Variants in IQSEC1 observed in about 807,000 individuals in gnomAD.
IQSEC1 encodes IQ motif and Sec7 domain ArfGEF 1, also known as IQ motif and SEC7 domain-containing protein 1.
IQSEC1 carries 31 observed loss-of-function variants against 91.0 expected under a neutral mutation model. The observed-to-expected ratio is 0.34, with a 90% CI of 0.26 to 0.46. The LOEUF is 0.46. IQSEC1 is among the 20% of genes least tolerant of loss of function. IQSEC1 has a pLI of 1.00. For missense variants in IQSEC1, 1,388 were observed against 1,575.6 expected (o/e 0.88, Z 2.02); for synonymous variants, 699 against 662.6 (o/e 1.05, Z -0.84).
rs547744066 is a variant in IQSEC1 at position 12,927,802 on chromosome 3, G to A, written c.1569-3060C>T. 1.6e-4 allele frequency among the ~76,000 whole-genome samples: 24 copies of A among 152,378 alleles called. No individual in the cohort carries two copies. In the East Asian group the frequency reaches 4.6e-3, roughly 29 times the overall value. On this transcript the variant is annotated intron_variant, in intron 3 of 13. Coordinates refer to ENST00000613206, the MANE Select transcript of IQSEC1 (RefSeq NM_001134382.3). ...CTGAGAGGCCTAGTCTGTGCAGGGGGCAAGGGACAGAGACTGAGGTATCAG... is the reference window on the plus strand; with the variant it reads ...CTGAGAGGCCTAGTCTGTGCAGGGGACAAGGGACAGAGACTGAGGTATCAG...
intron 8 of IQSEC1, among the ~76,000 whole-genome samples, chr3:12,913,990 AG>A (rs1254043788): frequency 3.3e-5 from 5 of 152,218 alleles, no homozygotes; most frequent in African/African-American, 1.2e-4. Flanking sequence ...GCTCTAGATG[AG>A]GAAAAACTGA....
chr3:12,958,980 G>A (rs553590675), intron 1 of IQSEC1, among the ~76,000 whole-genome samples: 26 of 152,348 alleles, frequency 1.7e-4, no homozygotes, highest in African/African-American at 6.3e-4. Flanking sequence ...AAGCCCAAGA[G>A]GATCAGATGA....
intron 2 of IQSEC1, among the ~76,000 whole-genome samples, chr3:13,083,601 C>T (rs911617386): frequency 6.6e-6 from 1 of 152,386 alleles, no homozygotes; most frequent in South Asian, 2.1e-4. Flanking sequence ...GCAGAGGCCT[C>T]GGGGCCTGCG....
At chr3:13,268,676 C>T (rs979691187) in intron 1 of IQSEC1, among the ~76,000 whole-genome samples, 6 of 152,210 alleles carry the variant, frequency 3.9e-5, no homozygotes, top group Non-Finnish European at 7.4e-5. Flanking sequence ...TAATTGTACA[C>T]GTTTTCCCTG....
chr3:13,225,574 T>A (rs1694738273), intron 1 of IQSEC1, among the ~76,000 whole-genome samples: 1 of 152,164 alleles, frequency 6.6e-6, no homozygotes, highest in South Asian at 2.1e-4. Flanking sequence ...TCAACAAATA[T>A]GTATCAGGCC....
intron 1 of IQSEC1, among the ~76,000 whole-genome samples, chr3:13,067,657 A>G (rs1705281076): frequency 6.6e-6 from 1 of 152,176 alleles, no homozygotes; most frequent in Non-Finnish European, 1.5e-5. Flanking sequence ...ATCTCTGTGC[A>G]CTGGGTGCCC....
chr3:13,178,267 G>A (rs1298526355), intron 1 of IQSEC1, among the ~76,000 whole-genome samples: 2 of 152,246 alleles, frequency 1.3e-5, no homozygotes, highest in Admixed American at 1.3e-4. Flanking sequence ...ATAGACACAA[G>A]AGCCTGCTGT....
rs1379051316 is a variant in IQSEC1 at position 13,282,232 on chromosome 3, T to G, written c.272+479A>C. Among the ~76,000 whole-genome samples the G allele has an allele frequency of 6.6e-6, 1 of 152,142 alleles. No homozygotes were observed. The highest frequency in any genetic ancestry group is 1.9e-4 in the East Asian group (1 of 5,166). Reference sequence around the variant, plus strand: ...CGGACTGGACACAGCGCAGAGTCCATTCCAGGGACACCGCAACCCGCAAGC... The same window carrying G: ...CGGACTGGACACAGCGCAGAGTCCAGTCCAGGGACACCGCAACCCGCAAGC... On this transcript the variant is annotated intron_variant, in intron 1 of 15. Transcript: ENST00000648114. This position sits in a 1 kb window ranked among gnomAD's most constrained non-coding sequence, Gnocchi z 6.4.
intron 1 of IQSEC1, among the ~76,000 whole-genome samples, chr3:13,271,812 A>G (rs1392113147): frequency 2.0e-5 from 3 of 152,210 alleles, no homozygotes; most frequent in Admixed American, 2.0e-4. Flanking sequence ...CTATAATTAA[A>G]TCAAAATAAA....
At chr3:13,249,840 G>T (rs1695165481) in intron 1 of IQSEC1, among the ~76,000 whole-genome samples, 1 of 152,178 alleles carries the variant, frequency 6.6e-6, no homozygotes, top group African/African-American at 2.4e-5. Flanking sequence ...CTTGGGGCAG[G>T]ACTGATTCCA....
rs146749525 is a variant in IQSEC1 at position 12,961,251 on chromosome 3, C to T, written c.24-19386G>A. ...TGAGGGCTCCAGACGCACCACAGCT[C>T]TGCTCCATCTGACACAGGGCTGGGG... is the stretch of plus-strand genomic sequence containing the variant. On this transcript the variant is annotated intron_variant, in intron 1 of 13. Coordinates refer to ENST00000613206, the MANE Select transcript of IQSEC1 (RefSeq NM_001134382.3). 1.9e-3 allele frequency among the ~76,000 whole-genome samples: 290 copies of T among 152,366 alleles called. 1 individual carries two copies. Among genetic ancestry groups the T allele is most frequent in the Middle Eastern group, 3.4e-3 (1 of 294 alleles).
chr3:13,200,762 C>T (rs1694229378), intron 1 of IQSEC1, among the ~76,000 whole-genome samples: 1 of 152,250 alleles, frequency 6.6e-6, no homozygotes, highest in African/African-American at 2.4e-5. Flanking sequence ...ACATGTTGCA[C>T]TGTTTCATCA....
At chr3:13,202,661 CAG>C (rs748123314) in intron 1 of IQSEC1, among the ~76,000 whole-genome samples, 52 of 152,114 alleles carry the variant, frequency 3.4e-4, no homozygotes, top group Admixed American at 8.5e-4. Flanking sequence ...TTCATGGGGA[CAG>C]AGTTTCAGTG....
At position 12,933,163 on chromosome 3, in the gene IQSEC1, G is replaced by A. The variant is rs888088460; in HGVS notation, c.1568+2285C>T. ...AGAGAAGTGGAGGTGGTACACAGGCGCAGGGCCAAAGAAAGGGAAGGGAAA... is the reference window on the plus strand; with the variant it reads ...AGAGAAGTGGAGGTGGTACACAGGCACAGGGCCAAAGAAAGGGAAGGGAAA... On this transcript the variant is annotated intron_variant, in intron 3 of 13. Transcript: ENST00000613206. Among the ~76,000 whole-genome samples, 4 of 152,222 alleles carry A rather than the reference G, an allele frequency of 2.6e-5. No homozygotes were observed. The South Asian group carries it at 6.2e-4, about 24-fold the overall frequency.
intron 1 of IQSEC1, among the ~76,000 whole-genome samples, chr3:12,984,117 G>A (rs1040803333): frequency 6.6e-6 from 1 of 152,122 alleles, no homozygotes; most frequent in Non-Finnish European, 1.5e-5. Context: ...CAGGTCCATG[G>A]TCCAGTTCTC....
rs1412138832 is a variant in IQSEC1 at position 12,900,070 on chromosome 3, AG to A, written c.*912del. ...AACCAGCTTGTAACCAGCTGTCCTG[AG>A]TTGCTACTGTAGAGTGTACTGCAGT... On this transcript the variant is annotated 3_prime_UTR_variant, in exon 14 of 14. Coordinates refer to ENST00000613206, the MANE Select transcript of IQSEC1 (RefSeq NM_001134382.3). The A allele has an allele frequency of 2.4e-5, 24 of 985,118 alleles. No individual in the cohort carries two copies. Among genetic ancestry groups the A allele is most frequent in the Non-Finnish European group, 2.9e-5 (24 of 829,832 alleles). The allele number at this position is 985,118 out of a possible 1,614,324, so 61.0% of individuals were successfully genotyped here. A position where few individuals can be genotyped will look rare whatever the true frequency, so the allele number is the denominator to read the frequency against.
intron 1 of IQSEC1, among the ~76,000 whole-genome samples, chr3:13,261,503 A>C (rs766954739): frequency 6.6e-6 from 1 of 151,968 alleles, no homozygotes; most frequent in Non-Finnish European, 1.5e-5. Flanking sequence ...CCCATCTTAG[A>C]GCCTGTTCCC....
At chr3:13,130,917 T>C (rs1576264042) in intron 2 of IQSEC1, among the ~76,000 whole-genome samples, 1 of 124,284 alleles carries the variant, frequency 8.0e-6, no homozygotes, top group African/African-American at 3.2e-5. Context: ...AATGAGACCA[T>C]GTGTCAAAAA....
intron 1 of IQSEC1, among the ~76,000 whole-genome samples, chr3:13,026,594 C>T (rs1703621742): frequency 6.6e-6 from 1 of 152,232 alleles, no homozygotes; most frequent in Non-Finnish European, 1.5e-5. Context: ...AAAACGATTT[C>T]CCACAGTGGG....
Sources: gnomAD v4.1 joint callset for allele counts (sites outside exome capture counted in the v4.1 genomes callset) on GRCh38, gnomAD v4.1.1 for gene constraint, Gnocchi (gnomAD v3.1) non-coding constraint, MANE v1.5 for transcripts, NCBI Gene and HGNC (gene_info 2026-07-23, HGNC 2026-07-21) for gene names.